The following TET1 variants were observed in gnomAD, a reference collection of about 807,000 sequenced individuals.
The protein encoded by TET1 is methylcytosine dioxygenase TET1.
In TET1, 13 loss-of-function variants were observed where a neutral mutation model predicts 148.7. That is an observed-to-expected ratio of 0.09 (90% confidence interval 0.06 to 0.14). The LOEUF is 0.14. Ranked by LOEUF, TET1 falls within the 10% of genes least tolerant of loss-of-function variation. The pLI is 1.00. For synonymous variants in TET1, 907 were observed against 937.2 expected (o/e 0.97, Z 0.59); for missense variants, 2,182 against 2,553.8 (o/e 0.85, Z 3.14).
chr10:68,647,496 C>T (rs558900551), intron 4 of TET1, among the ~76,000 whole-genome samples: 2 of 152,038 alleles, frequency 1.3e-5, no homozygotes, highest in East Asian at 1.9e-4. Flanking sequence ...CCCAGCTACT[C>T]GGTTGGCTGA....
At chr10:68,666,009 C>T (rs1233939493) in intron 6 of TET1, among the ~76,000 whole-genome samples, 1 of 152,060 alleles carries the variant, frequency 6.6e-6, no homozygotes, top group Non-Finnish European at 1.5e-5. Context: ...TTCATCATGT[C>T]CTGGTTATGT....
At chr10:68,592,283 G>A (rs1235005777) in intron 2 of TET1, among the ~76,000 whole-genome samples, 1 of 151,334 alleles carries the variant, frequency 6.6e-6, no homozygotes, top group African/African-American at 2.4e-5. Flanking sequence ...GCCACTGCAT[G>A]CCAGCCTGGG....
At chr10:68,641,601 C>T (rs987518112) in intron 3 of TET1, among the ~76,000 whole-genome samples, 3 of 152,046 alleles carry the variant, frequency 2.0e-5, no homozygotes, top group East Asian at 1.9e-4. Context: ...CGGGTTCAAG[C>T]GATTCCCCTA....
chr10:68,691,078 A>C lies in TET1; in HGVS notation c.5675A>C (p.Asn1892Thr), dbSNP rs760471820. ...CCTTCGGGAAGACTCAGTGGTGCCA[A>C]TGCAGCTGCTGCTGATGGCCCTGGC... is the stretch of plus-strand genomic sequence containing the variant. ...TMPSGRLSGA[N>T]AAAADGPGIS... The change falls in exon 12 of 12, where the codon AAT becomes ACT. Residue 1892 changes from asparagine to threonine, a missense_variant. By Grantham distance (65) the Asn-to-Thr change is moderately conservative (BLOSUM62 0). Around this residue, in one of 11 missense-constraint regions of TET1, gnomAD observed 380 missense variants for 387.9 expected, o/e 0.98. Coordinates refer to ENST00000373644, the MANE Select transcript of TET1 (RefSeq NM_030625.3). The surrounding 1 kb of genome is among the most constrained non-coding windows in gnomAD (Gnocchi z 4.4). 1 of 1,614,180 alleles carries C rather than the reference A, an allele frequency of 6.2e-7. No individual in the cohort carries two copies. The highest frequency in any genetic ancestry group is 1.7e-5 in the Admixed American group (1 of 60,022).
In TET1 at chr10:68,645,257, T is replaced by C; in HGVS notation, c.2528T>C (p.Ile843Thr). The change falls in exon 4 of 12, where the codon ATA becomes ACA. Residue 843 changes from isoleucine to threonine, a missense_variant. Transcript: ENST00000373644. ...SSIPHSSHSI[I>T]NHHASIHNEG... Reference sequence around the variant, plus strand: ...ATTCCACATTCTTCACACTCCATCATAAATCATCATGCTAGTATACACAAT... The same window carrying C: ...ATTCCACATTCTTCACACTCCATCACAAATCATCATGCTAGTATACACAAT... 6.2e-7 allele frequency: 1 copy of C among 1,614,150 alleles called. No homozygotes were observed. The highest frequency in any genetic ancestry group is 2.2e-5 in the East Asian group (1 of 44,884).
At chr10:68,622,659 T>C (rs936246005) in intron 3 of TET1, among the ~76,000 whole-genome samples, 1 of 151,574 alleles carries the variant, frequency 6.6e-6, no homozygotes, top group Non-Finnish European at 1.5e-5. Context: ...TCTTTCAACA[T>C]AGTTTCTCAG....
intron 2 of TET1, among the ~76,000 whole-genome samples, chr10:68,589,301 T>C (rs141608799): frequency 6.6e-6 from 1 of 152,192 alleles, no homozygotes; most frequent in African/African-American, 2.4e-5. Flanking sequence ...TCTCCCAGAT[T>C]ATCAATTTCA....
chr10:68,676,737 T>G (rs2055367649), intron 8 of TET1, among the ~76,000 whole-genome samples: 2 of 152,122 alleles, frequency 1.3e-5, no homozygotes, highest in South Asian at 4.1e-4. Flanking sequence ...TGAGGAAACA[T>G]TAATCTTGTT....
At position 68,691,527 on chromosome 10, in the gene TET1, A is replaced by G; in HGVS notation, c.6124A>G (p.Thr2042Ala). ...PVEHPNRNHP[T>A]RLSLVFYQHK... ...TGAGCACCCCAACCGTAATCATCCA[A>G]CCCGCCTCTCCCTTGTCTTTTACCA... Residue 2042 changes from threonine to alanine, a missense_variant, in exon 12 of 12, where the codon ACC becomes GCC. This residue lies in a region of TET1 where 20 missense variants were observed against 23.9 expected (regional missense o/e 0.84). Coordinates refer to ENST00000373644, the MANE Select transcript of TET1 (RefSeq NM_030625.3). The surrounding 1 kb of genome is among the most constrained non-coding windows in gnomAD (Gnocchi z 4.4). The G allele has an allele frequency of 6.2e-7, 1 of 1,613,226 alleles. No individual in the cohort carries two copies. The highest frequency in any genetic ancestry group is 1.7e-4 in the Middle Eastern group (1 of 6,050).
rs759691241 is a variant in TET1, at chr10:68,691,820, T to G, written c.*6T>G. The G allele has an allele frequency of 6.2e-7, 1 of 1,601,052 alleles. No homozygotes were observed. The highest frequency in any genetic ancestry group is 1.3e-5 in the African/African-American group (1 of 74,294). ...CCTATAACCATTGGGTCTGAAGGCTTTTCTCCCCCTCTTAATGCCTTTGCT... is the reference window on the plus strand; with the variant it reads ...CCTATAACCATTGGGTCTGAAGGCTGTTCTCCCCCTCTTAATGCCTTTGCT... On this transcript the variant is annotated 3_prime_UTR_variant, in exon 12 of 12. Transcript: ENST00000373644. This position sits in a 1 kb window ranked among gnomAD's most constrained non-coding sequence, Gnocchi z 4.4.
chr10:68,623,689 C>T (rs1195483538), intron 3 of TET1, among the ~76,000 whole-genome samples: 1 of 152,196 alleles, frequency 6.6e-6, no homozygotes, highest in Admixed American at 6.5e-5. Context: ...AGCAACACCA[C>T]CAGGCAACGG....
intron 1 of TET1, among the ~76,000 whole-genome samples, chr10:68,564,563 G>A (rs1462746781): frequency 6.6e-6 from 1 of 152,166 alleles, no homozygotes; most frequent in Non-Finnish European, 1.5e-5. Context: ...TTCCATGACA[G>A]TAAGAACTCA....
At chr10:68,566,722 G>A (rs1226078044) in intron 1 of TET1, among the ~76,000 whole-genome samples, 1 of 152,002 alleles carries the variant, frequency 6.6e-6, no homozygotes, top group Non-Finnish European at 1.5e-5. Flanking sequence ...GTGTAAGGTG[G>A]GAACAGAACC....
rs1293342705 is a variant in TET1 at position 68,683,063 on chromosome 10, T to A, written c.5052+90T>A. On this transcript the variant is annotated intron_variant, in intron 10 of 11. Coordinates refer to ENST00000373644, the MANE Select transcript of TET1 (RefSeq NM_030625.3). The stretch of plus-strand genomic sequence containing the variant: ...ACGTATACTGTGATGACTATTACTG[T>A]GAAAAATCTTAATTTATGTGTTATT... 5 of 1,417,518 alleles carry A rather than the reference T, an allele frequency of 3.5e-6. No homozygotes were observed. The Admixed American group carries it at 1.3e-4, about 36-fold the overall frequency. 87.8% of individuals were successfully genotyped at this position (1,417,518 alleles called of 1,614,324 possible).
At position 68,674,985 on chromosome 10, in the gene TET1, T is replaced by G. The variant is rs1026965972; in HGVS notation, c.4824+1940T>G. On this transcript the variant is annotated intron_variant, in intron 8 of 11. Coordinates refer to ENST00000373644, the MANE Select transcript of TET1 (RefSeq NM_030625.3). ...AATGCTGAAGAAGCCTAGCTTTGAA[T>G]TGGGGAAACTCATGGAGCTTTATGG... 4 of 392,438 alleles carry G rather than the reference T, an allele frequency of 1.0e-5. No individual in the cohort carries two copies. The Admixed American group carries it at 1.1e-4, about 10-fold the overall frequency. The allele number at this position is 392,438 out of a possible 1,614,324, so 24.3% of individuals were successfully genotyped here.
Position 68,655,601 on chromosome 10 carries a change from C to G in TET1, c.4461+3007C>G, listed in dbSNP as rs117513138. 4.2e-3 allele frequency among the ~76,000 whole-genome samples: 641 copies of G among 152,212 alleles called. 3 individuals carry two copies. The highest frequency in any genetic ancestry group is 7.3e-3 in the Non-Finnish European group (499 of 68,004). ...GATTTCTTTTTCCTCTCTTTAAAAC[C>G]TTTTCTAATATAATAATAATGACAG... On this transcript the variant is annotated intron_variant, in intron 6 of 11. Transcript: ENST00000373644.
At chr10:68,584,785 T>C (rs1297731812) in intron 2 of TET1, among the ~76,000 whole-genome samples, 1 of 151,872 alleles carries the variant, frequency 6.6e-6, no homozygotes, top group African/African-American at 2.4e-5. Context: ...TAGCAGCTAG[T>C]ACCCCAAAAC....
At chr10:68,690,481 G>A (rs1158109685) in intron 11 of TET1, among the ~76,000 whole-genome samples, 2 of 152,114 alleles carry the variant, frequency 1.3e-5, no homozygotes, top group African/African-American at 2.4e-5. Context: ...GGTGGCAGGC[G>A]CCTGTAGTCC....
In TET1 at chr10:68,567,522, G is replaced by A. The variant is rs569979470; in HGVS notation, c.-122-4695G>A. Among the ~76,000 whole-genome samples the A allele has an allele frequency of 1.3e-3, 198 of 151,998 alleles. No homozygotes were observed. The Middle Eastern group carries it at 0.014, about 10-fold the overall frequency. On this transcript the variant is annotated intron_variant, in intron 1 of 11. Transcript: ENST00000373644. ...TTGGTCACGCTGGTCTCAAACTCCC[G>A]ACCTCAGGTGATCCACCCGTCTCCG...
Sources: allele counts gnomAD v4.1 joint callset (sites outside exome capture counted in the v4.1 genomes callset), GRCh38; gene constraint gnomAD v4.1.1; regional missense constraint gnomAD v4.1.1; non-coding constraint Gnocchi (gnomAD v3.1); transcripts MANE v1.5; gene names NCBI Gene and HGNC (gene_info 2026-07-23, HGNC 2026-07-21).